BTG4: variants seen among roughly 807,000 people sequenced by gnomAD.
BTG4 encodes the protein BTG anti-proliferation factor 4, also known as protein BTG4.
In BTG4, 10 loss-of-function variants were observed where a neutral mutation model predicts 19.3. The observed-to-expected ratio is 0.52, with a 90% CI of 0.32 to 0.88. The LOEUF (loss-of-function observed/expected upper bound fraction) is 0.88. Among genes scored for constraint, BTG4 ranks in the 40% least tolerant of loss-of-function variants. The probability of loss-of-function intolerance (pLI) is 0.04; values close to 1 mark genes in which losing one functional copy is unlikely to be tolerated. For synonymous variants in BTG4, 91 were observed against 95.7 expected, an observed-to-expected ratio of 0.95 and a Z score of 0.29; for missense variants, 238 against 281.9, an observed-to-expected ratio of 0.84 and a Z score of 1.11.
the BTG4 span, among the ~76,000 whole-genome samples, chr11:111,442,912 A>G: frequency 6.6e-6 from 1 of 152,228 alleles, no homozygotes; most frequent in Non-Finnish European, 1.5e-5. Context: ...GGATAAGGCA[A>G]CTGCCCACTC....
chr11:111,447,222 C>T, the BTG4 span, among the ~76,000 whole-genome samples: 1 of 152,226 alleles, frequency 6.6e-6, no homozygotes, highest in Non-Finnish European at 1.5e-5. Context: ...ATGTGGTTAT[C>T]CAAGGATTCA....
At chr11:111,482,699 C>A (rs1459598557) in intron 5 of BTG4, among the ~76,000 whole-genome samples, 1 of 152,090 alleles carries the variant, frequency 6.6e-6, no homozygotes, top group African/African-American at 2.4e-5. Context: ...GAAAGATAGT[C>A]TTTTCATTTT....
At chr11:111,483,130 A>G (rs981520904) in intron 5 of BTG4, among the ~76,000 whole-genome samples, 2 of 152,178 alleles carry the variant, frequency 1.3e-5, no homozygotes, top group Non-Finnish European at 2.9e-5. Flanking sequence ...CAGTTCCTCA[A>G]GGAGCCAGCA....
At chr11:111,494,539 C>A (rs1335342998), downstream of BTG4, among the ~76,000 whole-genome samples, 1 of 152,158 alleles carries the variant, frequency 6.6e-6, no homozygotes, top group Non-Finnish European at 1.5e-5. Context: ...AAAGTAGCAG[C>A]CAAAACAATT....
chr11:111,506,101 C>T (rs186712755), intron 1 of BTG4, among the ~76,000 whole-genome samples: 2,526 of 152,074 alleles, frequency 0.017, 32 homozygotes, highest in Non-Finnish European at 0.027. Flanking sequence ...AACTATCATT[C>T]GACCCAGCAA....
chr11:111,399,248 C>T, the BTG4 span: 1 of 152,210 alleles, frequency 6.6e-6, no homozygotes, highest in Non-Finnish European at 1.5e-5. Flanking sequence ...CAAGACTGTC[C>T]AAATGGGCAA....
chr11:111,495,664 TA>T (rs1264222345), intron 4 of BTG4, among the ~76,000 whole-genome samples: 1 of 152,216 alleles, frequency 6.6e-6, no homozygotes, highest in African/African-American at 2.4e-5. Context: ...ATCTTCATTT[TA>T]AACACCTAAG....
the BTG4 span, among the ~76,000 whole-genome samples, chr11:111,425,025 G>A: frequency 6.6e-6 from 1 of 152,134 alleles, no homozygotes; most frequent in Non-Finnish European, 1.5e-5. Flanking sequence ...AACTGCCATG[G>A]CAGTTTAGAA....
At chr11:111,415,637 C>G in the BTG4 span, among the ~76,000 whole-genome samples, 1 of 152,090 alleles carries the variant, frequency 6.6e-6, no homozygotes, top group African/African-American at 2.4e-5. Context: ...CAACAGCCTC[C>G]CAGAGAATCA....
the BTG4 span, among the ~76,000 whole-genome samples, chr11:111,406,895 T>C: frequency 1.3e-5 from 2 of 152,312 alleles, no homozygotes; most frequent in South Asian, 2.1e-4. Flanking sequence ...TACAACAATC[T>C]GTAATGCTGG....
the BTG4 span, among the ~76,000 whole-genome samples, chr11:111,427,605 G>A: frequency 6.6e-6 from 1 of 152,170 alleles, no homozygotes; most frequent in African/African-American, 2.4e-5. Context: ...GCTGTGACCT[G>A]AGAAACGTGA....
intron 5 of BTG4, among the ~76,000 whole-genome samples, chr11:111,481,695 C>T (rs1864752154): frequency 6.6e-6 from 1 of 151,468 alleles, no homozygotes; most frequent in Admixed American, 6.6e-5. Flanking sequence ...CATAGTAATC[C>T]ACATGTCAAT....
the BTG4 span, among the ~76,000 whole-genome samples, chr11:111,459,234 C>T: frequency 2.1e-4 from 31 of 148,924 alleles, no homozygotes; most frequent in Admixed American, 9.9e-4. Context: ...GGTGAGATTC[C>T]GTCTCAAAAA....
chr11:111,461,054 A>AT, the BTG4 span, among the ~76,000 whole-genome samples: 1 of 152,204 alleles, frequency 6.6e-6, no homozygotes, highest in Middle Eastern at 3.4e-3. Flanking sequence ...AGCTGTGCGG[A>AT]GGATGGATGG....
intron 3 of BTG4, 64 bp downstream of exon 3, chr11:111,497,934 T>G: frequency 3.9e-6 from 6 of 1,555,012 alleles, no homozygotes; most frequent in South Asian, 1.2e-5. Context: ...CATGAAGGTA[T>G]GTAAAGTTGT....
chr11:111,409,946 T>C, the BTG4 span, among the ~76,000 whole-genome samples: 1 of 152,216 alleles, frequency 6.6e-6, no homozygotes, highest in Non-Finnish European at 1.5e-5. Flanking sequence ...CTTGGGGAAG[T>C]GAAAACCTAA....
chr11:111,486,430 C>A (rs1865066941), intron 5 of BTG4, among the ~76,000 whole-genome samples: 1 of 152,128 alleles, frequency 6.6e-6, no homozygotes, highest in African/African-American at 2.4e-5. Flanking sequence ...GAGTAAGACC[C>A]TGCCTCCAAA....
chr11:111,503,436 T>G (rs964887927), intron 1 of BTG4, among the ~76,000 whole-genome samples: 4 of 152,222 alleles, frequency 2.6e-5, no homozygotes, highest in Admixed American at 6.5e-5. Context: ...CTGCTGAAAT[T>G]TGAACAACTC....
chr11:111,485,531 G>A (rs635099), intron 5 of BTG4, among the ~76,000 whole-genome samples: 144,045 of 152,230 alleles, frequency 0.95, 68,680 homozygotes, highest in Middle Eastern at 1. Context: ...GAAATTAAGA[G>A]AATATAAAAA....
Sources: gnomAD v4.1 joint callset for allele counts (sites outside exome capture counted in the v4.1 genomes callset) on GRCh38, gnomAD v4.1.1 for gene constraint, MANE v1.5 for transcripts, NCBI Gene and HGNC (gene_info 2026-07-23, HGNC 2026-07-21) for gene names.